ZHX2: variants seen among roughly 807,000 people sequenced by gnomAD.
The protein encoded by ZHX2 is zinc fingers and homeoboxes 2, also known as zinc fingers and homeoboxes protein 2.
ZHX2 carries 6 observed loss-of-function variants against 21.9 expected under a neutral mutation model. The observed-to-expected ratio is 0.27, with a 90% CI of 0.15 to 0.54. The LOEUF (loss-of-function observed/expected upper bound fraction) is 0.54, where lower values mean the gene tolerates loss of function less well. Among genes scored for constraint, ZHX2 ranks in the 20% least tolerant of loss-of-function variants. The pLI is 0.95. For missense variants in ZHX2, 908 were observed against 1,090.7 expected, an observed-to-expected ratio of 0.83 and a Z score of 2.36; for synonymous variants, 434 against 437.1, an observed-to-expected ratio of 0.99 and a Z score of 0.09.
At chr8:122,934,650 CTTTA>C (rs199760148) in intron 2 of ZHX2, among the ~76,000 whole-genome samples, 4,111 of 23,270 alleles carry the variant, frequency 0.18, 142 homozygotes, top group African/African-American at 0.38. Flanking sequence ...TTCCTTCCTT[CTTTA>C]TTACCTTCCT....
At chr8:122,870,497 G>C (rs918001930) in intron 2 of ZHX2, among the ~76,000 whole-genome samples, 2 of 151,762 alleles carry the variant, frequency 1.3e-5, no homozygotes, top group East Asian at 3.9e-4. Context: ...AAAATAGCTG[G>C]GCGTAGTGAC....
chr8:122,913,075 C>T lies in ZHX2; in HGVS notation c.-219-38217C>T, dbSNP rs544492602. 9.0e-4 allele frequency among the ~76,000 whole-genome samples: 137 copies of T among 152,340 alleles called. 1 individual carries two copies. The highest frequency in any genetic ancestry group is 3.2e-3 in the African/African-American group (133 of 41,566). ...GCCTCCAGTCAGCTCTAGGCGACCA[C>T]TCATCTATTTCTGCCTCTATAGACT... On this transcript the variant is annotated intron_variant, in intron 2 of 3. Coordinates refer to ENST00000314393, the MANE Select transcript of ZHX2 (RefSeq NM_014943.5).
intron 1 of ZHX2, among the ~76,000 whole-genome samples, chr8:122,799,739 G>A (rs1817680090): frequency 6.6e-6 from 1 of 152,228 alleles, no homozygotes. Context: ...TGATGTCCAG[G>A]AAGCATCCTT....
chr8:122,811,378 C>T (rs1161811697), intron 1 of ZHX2, among the ~76,000 whole-genome samples: 2 of 152,226 alleles, frequency 1.3e-5, no homozygotes, highest in East Asian at 3.9e-4. Context: ...GAGACCCTGT[C>T]TCAAAAAATA....
chr8:122,814,799 G>A (rs1428204732), intron 1 of ZHX2, among the ~76,000 whole-genome samples: 2 of 152,148 alleles, frequency 1.3e-5, no homozygotes, highest in African/African-American at 4.8e-5. Context: ...CATTAGTTGG[G>A]GTACCCAGTA....
intron 2 of ZHX2, among the ~76,000 whole-genome samples, chr8:122,927,760 A>G (rs538457142): frequency 1.3e-5 from 2 of 152,292 alleles, no homozygotes; most frequent in East Asian, 3.9e-4. Flanking sequence ...CCATGACACA[A>G]TGTGGGAATT....
chr8:122,931,768 G>A (rs1461706073), intron 2 of ZHX2, among the ~76,000 whole-genome samples: 1 of 152,142 alleles, frequency 6.6e-6, no homozygotes, highest in Admixed American at 6.5e-5. Flanking sequence ...TGAGCACCAG[G>A]ATATTTAAGC....
chr8:122,928,596 T>C (rs1311231091), intron 2 of ZHX2, among the ~76,000 whole-genome samples: 1 of 151,982 alleles, frequency 6.6e-6, no homozygotes, highest in African/African-American at 2.4e-5. Context: ...ACAGGGCAAA[T>C]TGGGATAAAG....
In ZHX2 at chr8:122,951,657, A is replaced by G. The variant is rs368995594; in HGVS notation, c.147A>G (p.Ala49=). The change falls in exon 3 of 4, where the codon GCA becomes GCG. Residue 49 remains alanine, a synonymous_variant. Transcript: ENST00000314393. ...QPDVAKDSWA[A]ELENSSKENE... ...ACGTGGCCAAGGACAGTTGGGCAGC[A>G]GAACTTGAAAACTCTTCCAAAGAAA... is the stretch of plus-strand genomic sequence containing the variant. The G allele has an allele frequency of 1.2e-6, 2 of 1,613,940 alleles. No individual in the cohort carries two copies. Among genetic ancestry groups the G allele is most frequent in the Non-Finnish European group, 1.7e-6 (2 of 1,179,994 alleles).
At chr8:122,816,012 G>A (rs557739351) in intron 1 of ZHX2, among the ~76,000 whole-genome samples, 8 of 150,960 alleles carry the variant, frequency 5.3e-5, no homozygotes, top group Admixed American at 1.3e-4. Context: ...CCCAGGAGGC[G>A]GAGGTTGCAG....
chr8:122,797,339 G>A (rs1817631828), intron 1 of ZHX2, among the ~76,000 whole-genome samples: 1 of 152,142 alleles, frequency 6.6e-6, no homozygotes, highest in Non-Finnish European at 1.5e-5. Flanking sequence ...AAGGAAAGGG[G>A]TATGTACCCA....
chr8:122,962,634 G>A (rs1307384874), intron 3 of ZHX2, among the ~76,000 whole-genome samples: 2 of 152,140 alleles, frequency 1.3e-5, no homozygotes, highest in East Asian at 3.8e-4. Context: ...TCTCTGGGTA[G>A]GTACCCAGTA....
rs149886670 is a variant in ZHX2 at position 122,833,527 on chromosome 8, G to A, written c.-282-29950G>A. 5.1e-3 allele frequency among the ~76,000 whole-genome samples: 773 copies of A among 152,258 alleles called. 15 individuals carry two copies. Among genetic ancestry groups the A allele is most frequent in the Admixed American group, 0.04 (618 of 15,290 alleles). Reference sequence around the variant, plus strand: ...GAGTTAACTACGGGCGGCGGATAAGGAGAAGTTGCATGTTTTAAGGTGGGA... The same window carrying A: ...GAGTTAACTACGGGCGGCGGATAAGAAGAAGTTGCATGTTTTAAGGTGGGA... On this transcript the variant is annotated intron_variant, in intron 1 of 3. Coordinates refer to ENST00000314393, the MANE Select transcript of ZHX2 (RefSeq NM_014943.5).
chr8:122,928,761 G>A (rs2130127590), intron 2 of ZHX2, among the ~76,000 whole-genome samples: 1 of 152,248 alleles, frequency 6.6e-6, no homozygotes, highest in Middle Eastern at 3.4e-3. Context: ...ATGAGCTAAG[G>A]CCTCACACCC....
chr8:122,851,001 G>A (rs1208669766), intron 1 of ZHX2, among the ~76,000 whole-genome samples: 4 of 152,060 alleles, frequency 2.6e-5, no homozygotes, highest in Non-Finnish European at 5.9e-5. Flanking sequence ...TGTGTTCTCA[G>A]CCTAGAACAC....
intron 3 of ZHX2, among the ~76,000 whole-genome samples, chr8:122,963,961 T>C (rs1285810182): frequency 6.6e-6 from 1 of 152,156 alleles, no homozygotes; most frequent in Non-Finnish European, 1.5e-5. Context: ...TTGGTTGCTA[T>C]TGGTGTATGG....
At chr8:122,799,837 C>T (rs112902444) in intron 1 of ZHX2, among the ~76,000 whole-genome samples, 1 of 152,154 alleles carries the variant, frequency 6.6e-6, no homozygotes, top group African/African-American at 2.4e-5. Flanking sequence ...TTTACATTTA[C>T]ATTTGCTTTT....
intron 2 of ZHX2, among the ~76,000 whole-genome samples, chr8:122,925,722 C>T (rs1820833273): frequency 6.6e-6 from 1 of 152,190 alleles, no homozygotes; most frequent in Non-Finnish European, 1.5e-5. Flanking sequence ...TCCGAAATAG[C>T]TGACACACAC....
In ZHX2 at chr8:122,952,526, A is replaced by G; in HGVS notation, c.1016A>G (p.Gln339Arg). The G allele has an allele frequency of 6.2e-7, 1 of 1,614,214 alleles. No homozygotes were observed. The highest frequency in any genetic ancestry group is 8.5e-7 in the Non-Finnish European group (1 of 1,180,044). Residue 339 changes from glutamine to arginine, a missense_variant, in exon 3 of 4, where the codon CAG becomes CGG. Gln to Arg is a conservative substitution (Grantham distance 43). Coordinates refer to ENST00000314393, the MANE Select transcript of ZHX2 (RefSeq NM_014943.5). The surrounding 1 kb of genome is among the most constrained non-coding windows in gnomAD (Gnocchi z 6.9). ...AAGAAGATGTTCAACGGCACCATCCAGTCAGTACCCCCGACCATCACTGTG... is the reference window on the plus strand; with the variant it reads ...AAGAAGATGTTCAACGGCACCATCCGGTCAGTACCCCCGACCATCACTGTG... The part of the protein sequence containing the change: ...ARKKMFNGTI[Q>R]SVPPTITVLP...
Sources: allele counts gnomAD v4.1 joint callset (sites outside exome capture counted in the v4.1 genomes callset), GRCh38; gene constraint gnomAD v4.1.1; non-coding constraint Gnocchi (gnomAD v3.1); transcripts MANE v1.5; gene names NCBI Gene and HGNC (gene_info 2026-07-23, HGNC 2026-07-21).